The following PVT1 variants were observed in gnomAD, a reference collection of about 807,000 sequenced individuals.
The protein encoded by PVT1 is CXCR4/PVT1 fusion.
chr8:128,052,864 C>T (rs529977997), intron 4 of PVT1, among the ~76,000 whole-genome samples: 9 of 152,342 alleles, frequency 5.9e-5, no homozygotes, highest in African/African-American at 2.2e-4. Flanking sequence ...GAAACCAAGG[C>T]ACACAAAGGC....
intron 4 of PVT1, among the ~76,000 whole-genome samples, chr8:128,068,957 A>T (rs1405225312): frequency 6.6e-6 from 1 of 152,242 alleles, no homozygotes. Flanking sequence ...CAGTTTCCAG[A>T]AAATGAGAAA....
intron 4 of PVT1, among the ~76,000 whole-genome samples, chr8:127,994,817 T>C (rs986353538): frequency 1.5e-4 from 23 of 152,174 alleles, no homozygotes; most frequent in Non-Finnish European, 2.2e-4. Flanking sequence ...AGAAGATCGA[T>C]GTCCCAGAAC....
In PVT1 at chr8:128,044,011, A is replaced by ATTT. The variant is rs66807418; in HGVS notation, n.913-26148_913-26146dup. On this transcript the variant is annotated intron_variant and non_coding_transcript_variant, in intron 4 of 10. Coordinates refer to ENST00000651587, the Ensembl canonical transcript of PVT1. ...CCGGTTAATTTTTTTATTATTATTT[A>ATTT]TTTATTTTTTTTTTTTTTTGTAGAG... Among the ~76,000 whole-genome samples, 258 of 97,922 alleles carry ATTT rather than the reference A, an allele frequency of 2.6e-3. 3 individuals carry two copies. The highest frequency in any genetic ancestry group is 4.3e-3 in the African/African-American group (129 of 29,686). The allele number at this position is 97,922 out of a possible 152,430, so 64.2% of individuals were successfully genotyped here.
chr8:128,027,581 C>T (rs1051941153), intron 4 of PVT1, among the ~76,000 whole-genome samples: 8 of 152,172 alleles, frequency 5.3e-5, no homozygotes, highest in Admixed American at 5.2e-4. Context: ...CCAGGGAGCC[C>T]AGGCATCGTG....
chr8:127,905,854 G>A (rs1344910000), intron 3 of PVT1, among the ~76,000 whole-genome samples: 1 of 152,202 alleles, frequency 6.6e-6, no homozygotes, highest in Non-Finnish European at 1.5e-5. Flanking sequence ...GCCTGAGCTG[G>A]CTGGCCTGGA....
At chr8:127,832,251 C>T (rs1814858598) in intron 2 of PVT1, among the ~76,000 whole-genome samples, 1 of 152,148 alleles carries the variant, frequency 6.6e-6, no homozygotes, top group South Asian at 2.1e-4. Flanking sequence ...AATGACATCT[C>T]TATATTCCCA....
chr8:127,875,475 C>A (rs1239597314), intron 2 of PVT1, among the ~76,000 whole-genome samples: 2 of 152,116 alleles, frequency 1.3e-5, no homozygotes, highest in Admixed American at 6.5e-5. Context: ...CGTTCCTCAT[C>A]TATGAAATAA....
chr8:127,948,503 A>G (rs1362567373), intron 3 of PVT1: 1 of 156,958 alleles, frequency 6.4e-6, no homozygotes, highest in Non-Finnish European at 1.4e-5. Flanking sequence ...GACTGGATGA[A>G]TTCTGTCCCC....
At chr8:127,941,670 G>A (rs1039102267) in intron 3 of PVT1, among the ~76,000 whole-genome samples, 1 of 152,168 alleles carries the variant, frequency 6.6e-6, no homozygotes, top group African/African-American at 2.4e-5. Flanking sequence ...TTTTTAAAGA[G>A]TTATTATTTT....
At chr8:127,996,872 A>T (rs1261595971) in intron 4 of PVT1, among the ~76,000 whole-genome samples, 1 of 151,932 alleles carries the variant, frequency 6.6e-6, no homozygotes, top group Non-Finnish European at 1.5e-5. Flanking sequence ...GCTGCTTGCC[A>T]GCCCTCTGGC....
intron 5 of PVT1, among the ~76,000 whole-genome samples, chr8:128,095,338 G>A (rs555651219): frequency 1.3e-5 from 2 of 152,316 alleles, no homozygotes; most frequent in South Asian, 4.1e-4. Flanking sequence ...GTAAGCTTGA[G>A]GGAGCAGGGT....
chr8:128,003,145 G>C lies in PVT1; in HGVS notation n.912+13854G>C, dbSNP rs953217649. Among the ~76,000 whole-genome samples the C allele has an allele frequency of 2.2e-5, 3 of 136,218 alleles. No individual in the cohort carries two copies. In the Admixed American group the frequency reaches 2.4e-4, roughly 11 times the overall value. The allele number at this position is 136,218 out of a possible 152,430, so 89.4% of individuals were successfully genotyped here. A position where few individuals can be genotyped will look rare whatever the true frequency, so the allele number is the denominator to read the frequency against. On this transcript the variant is annotated intron_variant and non_coding_transcript_variant, in intron 4 of 10. Coordinates refer to ENST00000651587, the Ensembl canonical transcript of PVT1. ...GCCTCCCGAGTAGCTGGGACTACAG[G>C]CACCTACCACCACACCTTTTTTTTT...
Position 127,871,730 on chromosome 8 carries a change from C to A in PVT1, n.373-18859C>A, listed in dbSNP as rs1410820865. Among the ~76,000 whole-genome samples the A allele has an allele frequency of 7.2e-5, 11 of 152,256 alleles. No homozygotes were observed. In the East Asian group the frequency reaches 1.7e-3, roughly 24 times the overall value. On this transcript the variant is annotated intron_variant and non_coding_transcript_variant, in intron 2 of 10. Coordinates refer to ENST00000651587, the Ensembl canonical transcript of PVT1. Reference sequence around the variant, plus strand: ...ATGTTGATTCAAAAACAAAACCCAGCGAAGCATCTGTACTTTTTTTTCTGA... The same window carrying A: ...ATGTTGATTCAAAAACAAAACCCAGAGAAGCATCTGTACTTTTTTTTCTGA...
chr8:127,919,061 C>A (rs549201710), intron 3 of PVT1, among the ~76,000 whole-genome samples: 2 of 152,178 alleles, frequency 1.3e-5, no homozygotes, highest in Non-Finnish European at 2.9e-5. Context: ...GAAGGCAGTG[C>A]GCGTTGGGCC....
rs150424698 is a variant in PVT1, at chr8:128,078,522, CACGTAGTCAGT to C, written n.1114+8162_1114+8172del. Among the ~76,000 whole-genome samples the C allele has an allele frequency of 6.6e-3, 1,009 of 152,214 alleles. 24 individuals are homozygous for C. The highest frequency in any genetic ancestry group is 0.046 in the Admixed American group (696 of 15,276). Reference sequence around the variant, plus strand: ...ACTTAGTACTAAGAACAGTGGCTTCCACGTAGTCAGTTCCTAAGAAATGGTAATGGAGGAGG... The same window carrying C: ...ACTTAGTACTAAGAACAGTGGCTTCCTCCTAAGAAATGGTAATGGAGGAGG... On this transcript the variant is annotated intron_variant and non_coding_transcript_variant, in intron 5 of 10. Coordinates refer to ENST00000651587, the Ensembl canonical transcript of PVT1.
rs545008446 is a variant in PVT1, at chr8:127,839,165, C to T, written n.372+43094C>T. ...AGAATGTATCTCTACCCTTAAGCAA[C>T]GTGTGACTGTCCTATTATCATCACC... is the stretch of plus-strand genomic sequence containing the variant. On this transcript the variant is annotated intron_variant and non_coding_transcript_variant, in intron 2 of 10. Transcript: ENST00000651587. Among the ~76,000 whole-genome samples, 34 of 152,290 alleles carry T rather than the reference C, an allele frequency of 2.2e-4. 1 individual carries two copies. Among genetic ancestry groups the T allele is most frequent in the South Asian group, 8.3e-4 (4 of 4,826 alleles).
rs11387135 is a variant in PVT1 at position 127,954,295 on chromosome 8, C to CTTTT, written n.783-34850_783-34847dup. ...GTGACTGAGACTCAACAAGTACCCA[C>CTTTT]TTTTTTTTTTTTTTTTTTTTGAGAC... is the stretch of plus-strand genomic sequence containing the variant. On this transcript the variant is annotated intron_variant and non_coding_transcript_variant, in intron 3 of 10. Coordinates refer to ENST00000651587, the Ensembl canonical transcript of PVT1. 3.5e-4 allele frequency among the ~76,000 whole-genome samples: 41 copies of CTTTT among 115,974 alleles called. 9 individuals carry two copies. The highest frequency in any genetic ancestry group is 4.8e-4 in the East Asian group (2 of 4,130). 76.1% of individuals were successfully genotyped at this position (115,974 alleles called of 152,430 possible). A position where few individuals can be genotyped will look rare whatever the true frequency, so the allele number is the denominator to read the frequency against.
intron 2 of PVT1, among the ~76,000 whole-genome samples, chr8:127,880,701 A>C (rs113842720): frequency 2.6e-4 from 39 of 150,910 alleles, no homozygotes; most frequent in African/African-American, 9.5e-4. Flanking sequence ...GCTGGGTTCA[A>C]GCAATTATCC....
At chr8:127,831,137 C>A (rs867121877) in intron 2 of PVT1, among the ~76,000 whole-genome samples, 6 of 104,796 alleles carry the variant, frequency 5.7e-5, no homozygotes, top group African/African-American at 2.7e-4. Context: ...ATATCTATAT[C>A]TATCTCTCTC....
Sources: allele counts gnomAD v4.1 joint callset (sites outside exome capture counted in the v4.1 genomes callset), GRCh38; gene constraint gnomAD v4.1.1; transcripts MANE v1.5; gene names NCBI Gene and HGNC (gene_info 2026-07-23, HGNC 2026-07-21).